The following HUNK variants were observed in gnomAD, a reference collection of about 807,000 sequenced individuals.
HUNK encodes the protein hormonally up-regulated Neu-associated kinase.
Under a neutral mutation model 61.0 loss-of-function variants are expected in HUNK, and 21 were observed. The ratio of observed to expected loss-of-function variants is 0.34; its 90% CI spans 0.24 to 0.50. HUNK has a LOEUF of 0.50. HUNK is among the 20% of genes least tolerant of loss of function. HUNK has a pLI of 0.98. For synonymous variants in HUNK, 371 were observed against 386.1 expected (o/e 0.96, Z 0.46); for missense variants, 772 against 945.7 (o/e 0.82, Z 2.41).
chr21:31,979,805 A>G lies in HUNK; in HGVS notation c.1174-3721A>G, dbSNP rs144042670. ...GCTGGGATTACAGGCATAAGCCACC[A>G]CGCCCAGCTGCATTCTTTATATGTT... On this transcript the variant is annotated intron_variant, in intron 7 of 10. Coordinates refer to ENST00000270112, the MANE Select transcript of HUNK (RefSeq NM_014586.2). Among the ~76,000 whole-genome samples, 556 of 151,880 alleles carry G rather than the reference A, an allele frequency of 3.7e-3. 2 individuals carry two copies. The highest frequency in any genetic ancestry group is 1.0e-2 in the South Asian group (48 of 4,814).
chr21:31,884,358 G>A (rs1178616353), intron 1 of HUNK, among the ~76,000 whole-genome samples: 3 of 152,076 alleles, frequency 2.0e-5, no homozygotes, highest in Admixed American at 6.5e-5. Flanking sequence ...TTGGGAGGGC[G>A]AGGTGGGTGG....
intron 5 of HUNK, among the ~76,000 whole-genome samples, chr21:31,966,645 A>T (rs1410318810): frequency 6.6e-6 from 1 of 152,216 alleles, no homozygotes; most frequent in African/African-American, 2.4e-5. Context: ...AAATGAGTTG[A>T]CAAAAGGCTC....
chr21:31,873,920 G>C lies in HUNK; in HGVS notation c.246G>C (p.Val82=). The C allele has an allele frequency of 6.4e-7, 1 of 1,556,978 alleles. No homozygotes were observed. Among genetic ancestry groups the C allele is most frequent in the Non-Finnish European group, 8.7e-7 (1 of 1,154,948 alleles). The change falls in exon 1 of 11, where the codon GTG becomes GTC. Residue 82 remains valine (V), a synonymous_variant. Transcript: ENST00000270112. The surrounding 1 kb of genome is among the most constrained non-coding windows in gnomAD (Gnocchi z 6.1). The part of the protein sequence containing the change: ...SFAKVREGLH[V]LTGEKVAIKV... ...CCAAGGTGCGCGAGGGGCTGCACGT[G>C]CTGACCGGGGAGAAGGTGAGTCTCC...
chr21:31,916,125 A>G (rs1280954190), intron 1 of HUNK, among the ~76,000 whole-genome samples: 1 of 127,596 alleles, frequency 7.8e-6, no homozygotes, highest in African/African-American at 3.1e-5. Context: ...ATCTCAGCTC[A>G]CTGCAAGCTC....
Position 31,998,669 on chromosome 21 carries a change from A to T in HUNK, c.1630A>T (p.Ser544Cys). ...GGAGCCCCATCAGCCAGGGCCCGGAAGCACTGGCATCCCCCACAAGGAAGA... is the reference window on the plus strand; with the variant it reads ...GGAGCCCCATCAGCCAGGGCCCGGATGCACTGGCATCCCCCACAAGGAAGA... ...KPEPHQPGPG[S>C]TGIPHKEDPL... is the part of the protein sequence containing the mutation. The change falls in exon 11 of 11, where the codon AGC becomes TGC. Residue 544 changes from serine (S) to cysteine (C), a missense_variant. Coordinates refer to ENST00000270112, the MANE Select transcript of HUNK (RefSeq NM_014586.2). 1.2e-6 allele frequency: 2 copies of T among 1,614,164 alleles called. No individual in the cohort carries two copies. Among genetic ancestry groups the T allele is most frequent in the Non-Finnish European group, 1.7e-6 (2 of 1,180,028 alleles).
chr21:31,875,154 G>C (rs749667452), intron 1 of HUNK, among the ~76,000 whole-genome samples: 2 of 152,214 alleles, frequency 1.3e-5, no homozygotes, highest in Non-Finnish European at 2.9e-5. Flanking sequence ...TGGCCTGGGA[G>C]CCGAGCCCTC....
chr21:31,914,548 G>A lies in HUNK; in HGVS notation c.262-9920G>A, dbSNP rs150150657. ...GGATGCTCAGATGGTCTATTAGCCT[G>A]CTCAGGCTGCCACAACAAAATACCA... is the stretch of plus-strand genomic sequence containing the variant. On this transcript the variant is annotated intron_variant, in intron 1 of 10. Coordinates refer to ENST00000270112, the MANE Select transcript of HUNK (RefSeq NM_014586.2). Among the ~76,000 whole-genome samples, 63 of 151,966 alleles carry A rather than the reference G, an allele frequency of 4.1e-4. No homozygotes were observed. In the East Asian group the frequency reaches 7.9e-3, roughly 19 times the overall value.
chr21:31,879,791 G>A (rs2052292744), intron 1 of HUNK, among the ~76,000 whole-genome samples: 1 of 152,154 alleles, frequency 6.6e-6, no homozygotes, highest in African/African-American at 2.4e-5. Flanking sequence ...TGGGAAGGAG[G>A]CTTGGGCACA....
intron 4 of HUNK, 101 bp from the exon 5 acceptor site, chr21:31,958,742 A>G (rs1396446645): frequency 1.8e-6 from 2 of 1,130,484 alleles, no homozygotes; most frequent in Non-Finnish European, 1.2e-6. Flanking sequence ...TGAGGTTGGC[A>G]TGGAAGCAGC....
At chr21:31,983,880 T>A (rs2053115297) in intron 8 of HUNK, among the ~76,000 whole-genome samples, 1 of 152,186 alleles carries the variant, frequency 6.6e-6, no homozygotes, top group South Asian at 2.1e-4. Flanking sequence ...TTCCATTGAA[T>A]CTTGGGAGGT....
At chr21:31,890,071 C>T (rs1258014955) in intron 1 of HUNK, among the ~76,000 whole-genome samples, 2 of 152,004 alleles carry the variant, frequency 1.3e-5, no homozygotes, top group African/African-American at 4.8e-5. Context: ...CAGGTATATT[C>T]CAGAATAGTT....
chr21:31,998,091 A>T (rs1425893427), intron 10 of HUNK, among the ~76,000 whole-genome samples: 1 of 151,970 alleles, frequency 6.6e-6, no homozygotes, highest in Admixed American at 6.6e-5. Flanking sequence ...CTAATTTTTT[A>T]AAATTTTTTT....
At chr21:31,947,037 C>T (rs1020805611) in intron 4 of HUNK, among the ~76,000 whole-genome samples, 11 of 152,004 alleles carry the variant, frequency 7.2e-5, no homozygotes, top group Middle Eastern at 3.5e-3. Context: ...CCAGTGGCGC[C>T]TGCGCATTCC....
chr21:31,916,286 G>C (rs921272319), intron 1 of HUNK, among the ~76,000 whole-genome samples: 2 of 151,780 alleles, frequency 1.3e-5, no homozygotes, highest in Admixed American at 6.6e-5. Flanking sequence ...TGCTGGCCTC[G>C]TTATCCGCCC....
intron 7 of HUNK, among the ~76,000 whole-genome samples, chr21:31,978,692 T>G (rs2053068940): frequency 6.6e-6 from 1 of 152,184 alleles, no homozygotes; most frequent in South Asian, 2.1e-4. Flanking sequence ...AGTATTCCAT[T>G]ATATATAGGT....
chr21:31,947,458 C>G (rs1275195682), intron 4 of HUNK, among the ~76,000 whole-genome samples: 1 of 152,242 alleles, frequency 6.6e-6, no homozygotes, highest in Non-Finnish European at 1.5e-5. Flanking sequence ...AGGGAGTCCC[C>G]CGTACTCTGT....
chr21:31,962,939 T>C (rs1234061406), intron 5 of HUNK, among the ~76,000 whole-genome samples: 1 of 152,174 alleles, frequency 6.6e-6, no homozygotes, highest in Non-Finnish European at 1.5e-5. Flanking sequence ...CCTGACCCAG[T>C]AGGGCCCAGA....
intron 1 of HUNK, among the ~76,000 whole-genome samples, chr21:31,907,411 A>G (rs543023712): frequency 3.9e-5 from 6 of 152,314 alleles, no homozygotes; most frequent in East Asian, 1.9e-4. Flanking sequence ...CTACTAGGAA[A>G]TGTAACATGA....
At chr21:31,899,608 G>A (rs2052449470) in intron 1 of HUNK, among the ~76,000 whole-genome samples, 1 of 152,114 alleles carries the variant, frequency 6.6e-6, no homozygotes, top group African/African-American at 2.4e-5. Context: ...ATCTTTATGG[G>A]AAACCCAATT....
Sources: allele counts gnomAD v4.1 joint callset (sites outside exome capture counted in the v4.1 genomes callset), GRCh38; gene constraint gnomAD v4.1.1; non-coding constraint Gnocchi (gnomAD v3.1); transcripts MANE v1.5; gene names NCBI Gene and HGNC (gene_info 2026-07-23, HGNC 2026-07-21).